Variants in CYTH1 observed in about 807,000 individuals in gnomAD.
The protein encoded by CYTH1 is cytohesin 1.
CYTH1 carries 18 observed loss-of-function variants against 61.8 expected under a neutral mutation model. The observed-to-expected ratio is 0.29, with a 90% CI of 0.20 to 0.43. The LOEUF is 0.43. Among genes scored for constraint, CYTH1 ranks in the 20% least tolerant of loss-of-function variants. CYTH1 has a pLI of 1.00. For synonymous variants in CYTH1, 174 were observed against 184.3 expected, an observed-to-expected ratio of 0.94 and a Z score of 0.45; for missense variants, 336 against 510.5, an observed-to-expected ratio of 0.66 and a Z score of 3.29.
intron 1 of CYTH1, among the ~76,000 whole-genome samples, chr17:78,775,096 G>C (rs2093485809): frequency 6.6e-6 from 1 of 152,162 alleles, no homozygotes; most frequent in South Asian, 2.1e-4. Context: ...AGTCACCCCA[G>C]CTCCCGAGGC....
At chr17:78,704,262 G>A (rs771214336) in intron 3 of CYTH1, among the ~76,000 whole-genome samples, 18 of 152,138 alleles carry the variant, frequency 1.2e-4, no homozygotes, top group African/African-American at 3.6e-4. Flanking sequence ...GCCCTGGACC[G>A]GCTGAGTAAC....
At chr17:78,721,187 A>C (rs1365887232) in intron 1 of CYTH1, among the ~76,000 whole-genome samples, 1 of 152,064 alleles carries the variant, frequency 6.6e-6, no homozygotes, top group Non-Finnish European at 1.5e-5. Flanking sequence ...AAAATTAGCC[A>C]GGCGTGGTGG....
At chr17:78,730,886 G>A (rs1314608769) in intron 1 of CYTH1, among the ~76,000 whole-genome samples, 4 of 151,924 alleles carry the variant, frequency 2.6e-5, no homozygotes, top group African/African-American at 7.3e-5. Flanking sequence ...GGAAGGTCTC[G>A]ATCTCCTGAC....
intron 1 of CYTH1, among the ~76,000 whole-genome samples, chr17:78,778,637 CAAAAA>C (rs71309108): frequency 1.6e-5 from 1 of 64,214 alleles, no homozygotes; most frequent in Non-Finnish European, 2.8e-5. Flanking sequence ...GACTCCATCT[CAAAAA>C]AAAAAAAAAA....
intron 10 of CYTH1, among the ~76,000 whole-genome samples, chr17:78,695,428 T>C (rs934001345): frequency 7.2e-5 from 11 of 152,164 alleles, no homozygotes; most frequent in South Asian, 6.2e-4. Context: ...GGAAATACCA[T>C]TTCCCCTTTT....
intron 3 of CYTH1, among the ~76,000 whole-genome samples, chr17:78,706,796 T>A (rs1347150870): frequency 2.0e-5 from 3 of 152,222 alleles, no homozygotes; most frequent in Admixed American, 6.5e-5. Context: ...GGTTTTAAAT[T>A]ACATCCCCTA....
intron 3 of CYTH1, among the ~76,000 whole-genome samples, chr17:78,705,745 TCCAG>T (rs1259053208): frequency 3.3e-5 from 5 of 152,098 alleles, no homozygotes; most frequent in African/African-American, 1.2e-4. Context: ...CATTTTAAGT[TCCAG>T]ATTAAAAAAT....
chr17:78,742,574 C>A (rs547071856), intron 1 of CYTH1, among the ~76,000 whole-genome samples: 9 of 152,094 alleles, frequency 5.9e-5, no homozygotes, highest in Admixed American at 4.6e-4. Context: ...ATAAATAGGC[C>A]GGGTGTGCTG....
chr17:78,716,717 C>A (rs1295989175), intron 1 of CYTH1, among the ~76,000 whole-genome samples: 1 of 152,188 alleles, frequency 6.6e-6, no homozygotes, highest in Non-Finnish European at 1.5e-5. Flanking sequence ...AACATCAAAT[C>A]TTTAATTCAA....
chr17:78,693,360 C>T (rs979321543), intron 10 of CYTH1, among the ~76,000 whole-genome samples: 3 of 152,076 alleles, frequency 2.0e-5, no homozygotes, highest in East Asian at 1.9e-4. Context: ...CAGGGGCTCA[C>T]GTCTATAATC....
intron 1 of CYTH1, among the ~76,000 whole-genome samples, chr17:78,714,723 C>T (rs1454054390): frequency 6.6e-6 from 1 of 152,190 alleles, no homozygotes; most frequent in Non-Finnish European, 1.5e-5. Context: ...AAGGCCCAGC[C>T]ATGCACAGAG....
At chr17:78,756,796 C>T (rs2093403008) in intron 1 of CYTH1, among the ~76,000 whole-genome samples, 1 of 151,514 alleles carries the variant, frequency 6.6e-6, no homozygotes, top group African/African-American at 2.4e-5. Context: ...CACTGCACTC[C>T]AGCCTCGGTG....
chr17:78,771,568 C>T (rs543309723), intron 1 of CYTH1, among the ~76,000 whole-genome samples: 147 of 151,516 alleles, frequency 9.7e-4, no homozygotes, highest in African/African-American at 3.4e-3. Context: ...CTGTCTCTAA[C>T]AAAAATACAA....
intron 1 of CYTH1, among the ~76,000 whole-genome samples, chr17:78,740,324 C>T (rs1359182148): frequency 6.6e-6 from 1 of 152,242 alleles, no homozygotes; most frequent in Non-Finnish European, 1.5e-5. Flanking sequence ...TCATTCCTTC[C>T]ACCCACCCAT....
At chr17:78,689,703 G>A (rs1329017788) in intron 11 of CYTH1, among the ~76,000 whole-genome samples, 1 of 152,226 alleles carries the variant, frequency 6.6e-6, no homozygotes, top group East Asian at 1.9e-4. Context: ...TCCATGGACA[G>A]TCTTCCCCAG....
At position 78,702,591 on chromosome 17, in the gene CYTH1, T is replaced by G; in HGVS notation, c.184A>C (p.Arg62=). The G allele has an allele frequency of 6.2e-7, 1 of 1,614,206 alleles. No homozygotes were observed. The change falls in exon 4 of 14, where the codon AGG becomes CGG. Residue 62 remains arginine (R), a synonymous_variant. Coordinates refer to ENST00000446868, the MANE Select transcript of CYTH1 (RefSeq NM_004762.6). ...GSTEERKNMQ[R]NKQVAMGRKK... is the part of the protein sequence containing the mutation. ...CTGCCCATGGCTACCTGTTTGTTCC[T>G]CTGCATGTTTTTCCTGTAAAACAAC...
chr17:78,679,940 C>T (rs2092740459), intron 13 of CYTH1, among the ~76,000 whole-genome samples: 1 of 152,182 alleles, frequency 6.6e-6, no homozygotes, highest in South Asian at 2.1e-4. Flanking sequence ...GCTCACTCGC[C>T]TCTTCCTATT....
chr17:78,733,954 C>T (rs1431520362), intron 1 of CYTH1, among the ~76,000 whole-genome samples: 1 of 152,136 alleles, frequency 6.6e-6, no homozygotes, highest in African/African-American at 2.4e-5. Context: ...AGAGAGAGTT[C>T]AAAGGCAAAT....
At position 78,700,363 on chromosome 17, in the gene CYTH1, C is replaced by T. The variant is rs993149843; in HGVS notation, c.518G>A (p.Cys173Tyr). 3 of 1,613,374 alleles carry T rather than the reference C, an allele frequency of 1.9e-6. No individual in the cohort carries two copies. Among genetic ancestry groups the T allele is most frequent in the Non-Finnish European group, 2.5e-6 (3 of 1,179,626 alleles). ...CTGGAACACGCCATTATTGCACTGA[C>T]AATATCGCTGGGCAAACGCCTCCAT... ...RMMEAFAQRY[C>Y]QCNNGVFQST... Residue 173 changes from cysteine to tyrosine, a missense_variant, in exon 7 of 14, where the codon TGT becomes TAT. Cys to Tyr is a radical substitution (Grantham distance 194). This residue lies in a region of CYTH1 where 125 missense variants were observed against 209.9 expected (regional missense o/e 0.60). Transcript: ENST00000446868. The surrounding 1 kb of genome is among the most constrained non-coding windows in gnomAD (Gnocchi z 5.1).
Sources: gnomAD v4.1 joint callset for allele counts (sites outside exome capture counted in the v4.1 genomes callset) on GRCh38, gnomAD v4.1.1 for gene constraint, gnomAD v4.1.1 regional missense constraint, Gnocchi (gnomAD v3.1) non-coding constraint, MANE v1.5 for transcripts, NCBI Gene and HGNC (gene_info 2026-07-23, HGNC 2026-07-21) for gene names.